Variants in ANKRD30BL observed in about 807,000 individuals in gnomAD.
The protein encoded by ANKRD30BL is ankyrin repeat domain 30B like.
A neutral mutation model predicts 18.4 loss-of-function variants in ANKRD30BL; 20 were observed. The ratio of observed to expected loss-of-function variants is 1.09; its 90% CI spans 0.77 to 1.58. The LOEUF (loss-of-function observed/expected upper bound fraction) is 1.58, where lower values mean the gene tolerates loss of function less well. Ranked by LOEUF, ANKRD30BL falls within the 40% of genes most tolerant of loss-of-function variation. The probability of loss-of-function intolerance (pLI) is 0.00; values close to 1 mark genes in which losing one functional copy is unlikely to be tolerated. For missense variants in ANKRD30BL, 224 were observed against 268.6 expected (o/e 0.83, Z 1.16); for synonymous variants, 72 against 100.9 (o/e 0.71, Z 1.72).
At chr2:132,255,561 T>C (rs1256075501) in intron 1 of ANKRD30BL, among the ~76,000 whole-genome samples, 1 of 152,132 alleles carries the variant, frequency 6.6e-6, no homozygotes, top group African/African-American at 2.4e-5. Flanking sequence ...CTATTGGAGC[T>C]GGAATTACCA....
At chr2:132,255,063 G>A (rs990828495) in intron 1 of ANKRD30BL, among the ~76,000 whole-genome samples, 15 of 152,138 alleles carry the variant, frequency 9.9e-5, no homozygotes, top group African/African-American at 3.6e-4. Context: ...CCCAAAGACT[G>A]GTTTCTTGGA....
Position 132,157,400 on chromosome 2 carries a change from G to A in ANKRD30BL, c.242C>T (p.Ala81Val). 1 of 747,472 alleles carries A rather than the reference G, an allele frequency of 1.3e-6. No individual in the cohort carries two copies. Among genetic ancestry groups the A allele is most frequent in the African/African-American group, 1.7e-5 (1 of 58,770 alleles). 46.3% of individuals were successfully genotyped at this position (747,472 alleles called of 1,614,324 possible). The change falls in exon 2 of 6, where the codon GCC (alanine) becomes GTC (valine). Residue 81 changes from alanine (A) to valine (V), a missense_variant. Ala to Val is a moderately conservative substitution (Grantham distance 64, BLOSUM62 0). This residue lies in a region of ANKRD30BL where 131 missense variants were observed against 128.8 expected (regional missense o/e 1.02). Coordinates refer to ENST00000409867, the MANE Select transcript of ANKRD30BL (RefSeq NM_001358416.1). ...KKRTALYWAC[A>V]NGHAEVVTLL... ...TGTTACTACTTCTGCATGGCCATTG[G>A]CACAGGCCCAGTATAGAGCAGTCCT...
At chr2:132,194,727 C>T (rs1678929801) in intron 1 of ANKRD30BL, among the ~76,000 whole-genome samples, 1 of 152,122 alleles carries the variant, frequency 6.6e-6, no homozygotes, top group Admixed American at 6.6e-5. Context: ...TGGTGTTTGC[C>T]TTTAGCAGAT....
At chr2:132,223,286 TA>T (rs1334019005) in intron 1 of ANKRD30BL, among the ~76,000 whole-genome samples, 10 of 152,140 alleles carry the variant, frequency 6.6e-5, no homozygotes, top group Non-Finnish European at 1.5e-4. Flanking sequence ...TATATTCACA[TA>T]AACACTAGAC....
intron 1 of ANKRD30BL, among the ~76,000 whole-genome samples, chr2:132,193,040 G>A (rs979135349): frequency 3.9e-5 from 6 of 152,096 alleles, no homozygotes; most frequent in African/African-American, 9.7e-5. Flanking sequence ...GAGCAGGCAC[G>A]GAGTGTAAAG....
At chr2:132,257,121 A>T (rs371908243) in intron 1 of ANKRD30BL, 2 of 470,942 alleles carry the variant, frequency 4.2e-6, no homozygotes, top group South Asian at 3.0e-5. Context: ...CGCCATCAGG[A>T]CCCCGAGGTG....
intron 1 of ANKRD30BL, among the ~76,000 whole-genome samples, chr2:132,231,170 C>T (rs62166172): frequency 6.6e-6 from 1 of 152,188 alleles, no homozygotes; most frequent in East Asian, 1.9e-4. Flanking sequence ...ATAAAAACTA[C>T]ATAGAAGCAT....
intron 1 of ANKRD30BL, among the ~76,000 whole-genome samples, chr2:132,240,917 A>G (rs1003751965): frequency 6.6e-6 from 1 of 151,920 alleles, no homozygotes; most frequent in Non-Finnish European, 1.5e-5. Flanking sequence ...CTTTCTTTTG[A>G]TACAGCACTT....
At chr2:132,249,936 C>T (rs1032698160) in intron 1 of ANKRD30BL, among the ~76,000 whole-genome samples, 6 of 152,320 alleles carry the variant, frequency 3.9e-5, no homozygotes, top group Admixed American at 3.3e-4. Context: ...TGAACACACA[C>T]ATCACAAAGC....
intron 1 of ANKRD30BL, among the ~76,000 whole-genome samples, chr2:132,247,651 A>G (rs562193963): frequency 2.6e-5 from 4 of 152,094 alleles, no homozygotes; most frequent in African/African-American, 7.2e-5. Context: ...CTACAAAAAG[A>G]CTGTTTCCAA....
intron 1 of ANKRD30BL, among the ~76,000 whole-genome samples, chr2:132,250,199 T>C (rs142655415): frequency 6.6e-6 from 1 of 152,186 alleles, no homozygotes; most frequent in South Asian, 2.1e-4. Flanking sequence ...CTCACAAATA[T>C]CACTTTGCAG....
At chr2:132,173,451 G>A (rs539010646) in intron 1 of ANKRD30BL, among the ~76,000 whole-genome samples, 4 of 151,616 alleles carry the variant, frequency 2.6e-5, no homozygotes, top group Admixed American at 6.6e-5. Flanking sequence ...AGGCCACCAC[G>A]CCCGGCTAAT....
chr2:132,204,404 T>C (rs1215208671), intron 1 of ANKRD30BL, among the ~76,000 whole-genome samples: 2 of 151,622 alleles, frequency 1.3e-5, no homozygotes, highest in East Asian at 3.9e-4. Context: ...ATATATAGCA[T>C]ATATATATAG....
Position 132,174,265 on chromosome 2 carries a change from C to G in ANKRD30BL, n.442-17119G>C, listed in dbSNP as rs184594358. ...TGAGACCCTGGAACAAACTTAGAAC[C>G]ACTATATTAATAGTGGCTACAAACT... On this transcript the variant is annotated intron_variant and non_coding_transcript_variant, in intron 1 of 4. Transcript: ENST00000470729. 1.5e-4 allele frequency among the ~76,000 whole-genome samples: 23 copies of G among 152,246 alleles called. No homozygotes were observed. In the East Asian group the frequency reaches 4.3e-3, roughly 28 times the overall value.
intron 1 of ANKRD30BL, among the ~76,000 whole-genome samples, chr2:132,213,697 G>A (rs903634364): frequency 1.3e-5 from 2 of 152,196 alleles, no homozygotes; most frequent in Non-Finnish European, 2.9e-5. Context: ...TGTGATGTGT[G>A]CATTCATCTC....
chr2:132,189,188 A>G (rs1678792485), intron 1 of ANKRD30BL, among the ~76,000 whole-genome samples: 2 of 152,234 alleles, frequency 1.3e-5, no homozygotes. Flanking sequence ...CTGCACTTAG[A>G]TGAAATTTTA....
At chr2:132,238,423 C>T (rs1181228721) in intron 1 of ANKRD30BL, among the ~76,000 whole-genome samples, 1 of 151,724 alleles carries the variant, frequency 6.6e-6, no homozygotes, top group Non-Finnish European at 1.5e-5. Flanking sequence ...AGCTTTGATG[C>T]CTTCTCTGGG....
At chr2:132,189,129 G>A (rs1678791434) in intron 1 of ANKRD30BL, among the ~76,000 whole-genome samples, 1 of 152,172 alleles carries the variant, frequency 6.6e-6, no homozygotes, top group Admixed American at 6.5e-5. Context: ...GAAAGCCCCA[G>A]CAGTTGATTC....
chr2:132,180,245 CT>C (rs1281085839), intron 1 of ANKRD30BL, among the ~76,000 whole-genome samples: 5 of 140,472 alleles, frequency 3.6e-5, no homozygotes, highest in African/African-American at 1.1e-4. Flanking sequence ...TTTACTGCAC[CT>C]TTTCTATGAT....
Sources: allele counts gnomAD v4.1 joint callset (sites outside exome capture counted in the v4.1 genomes callset), GRCh38; gene constraint gnomAD v4.1.1; regional missense constraint gnomAD v4.1.1; transcripts MANE v1.5; gene names NCBI Gene and HGNC (gene_info 2026-07-23, HGNC 2026-07-21).